Variants in XCR1 observed in about 807,000 individuals in gnomAD.
XCR1 encodes the protein chemokine XC receptor 1.
For synonymous variants in XCR1, 187 were observed against 188.5 expected, an observed-to-expected ratio of 0.99 and a Z score of 0.06; for missense variants, 356 against 424.2, an observed-to-expected ratio of 0.84 and a Z score of 1.41.
upstream of XCR1, chr3:46,027,845 A>G (rs2125894952): frequency 6.6e-6 from 1 of 152,296 alleles, no homozygotes; most frequent in Middle Eastern, 3.4e-3. Context: ...CCTGTTTAAC[A>G]TATACCTATC....
At chr3:46,056,853 A>C (rs1697862299) in intron 4 of XCR1, among the ~76,000 whole-genome samples, 1 of 152,140 alleles carries the variant, frequency 6.6e-6, no homozygotes, top group South Asian at 2.1e-4. Flanking sequence ...TCTGGCTCCT[A>C]GGTATTTACT....
intron 4 of XCR1, among the ~76,000 whole-genome samples, chr3:46,065,262 A>G (rs1698046176): frequency 6.6e-6 from 1 of 152,240 alleles, no homozygotes; most frequent in African/African-American, 2.4e-5. Flanking sequence ...AATATTGGTT[A>G]GGGGAAAATC....
rs575085237 is a variant in XCR1 at position 46,020,053 on chromosome 3, G to A, written c.*893C>T. ...AGCTACCACCATCAACCAAATAGGA[G>A]GAGGACACTTTAGGTACAAAGTGAT... On this transcript the variant is annotated 3_prime_UTR_variant, in exon 2 of 2. Transcript: ENST00000309285. 5 of 152,368 alleles carry A rather than the reference G, an allele frequency of 3.3e-5. No homozygotes were observed. In the South Asian group the frequency reaches 1.0e-3, roughly 32 times the overall value. The allele number at this position is 152,368 out of a possible 1,614,324, so 9.4% of individuals were successfully genotyped here.
At chr3:46,082,697 C>T (rs1329424582) in intron 1 of XCR1, among the ~76,000 whole-genome samples, 1 of 151,938 alleles carries the variant, frequency 6.6e-6, no homozygotes, top group Non-Finnish European at 1.5e-5. Context: ...GCTATGTTGA[C>T]CACACTGGTC....
At chr3:46,036,182 CTT>C (rs1339498234) in intron 5 of XCR1, among the ~76,000 whole-genome samples, 1 of 152,162 alleles carries the variant, frequency 6.6e-6, no homozygotes, top group African/African-American at 2.4e-5. Context: ...TGTATCCAGG[CTT>C]TTATGTTGCT....
At chr3:46,043,491 A>G (rs1257251361) in intron 5 of XCR1, among the ~76,000 whole-genome samples, 1 of 152,114 alleles carries the variant, frequency 6.6e-6, no homozygotes, top group Non-Finnish European at 1.5e-5. Flanking sequence ...AAATACTTCA[A>G]CATGATAAAG....
At chr3:46,073,898 A>C (rs895530428) in intron 3 of XCR1, among the ~76,000 whole-genome samples, 11 of 151,442 alleles carry the variant, frequency 7.3e-5, no homozygotes, top group Non-Finnish European at 1.6e-4. Context: ...ACCAATCAGA[A>C]TGGCAATTAA....
intron 1 of XCR1, among the ~76,000 whole-genome samples, chr3:46,080,242 C>T (rs1033918493): frequency 1.3e-5 from 2 of 151,582 alleles, no homozygotes; most frequent in African/African-American, 4.8e-5. Flanking sequence ...AAGCAGTCCC[C>T]AACTGAAATC....
At chr3:46,070,455 T>C (rs1261960313) in intron 3 of XCR1, among the ~76,000 whole-genome samples, 2 of 152,146 alleles carry the variant, frequency 1.3e-5, no homozygotes, top group Admixed American at 1.3e-4. Flanking sequence ...TTTATTAATC[T>C]GAGTGCTGTG....
chr3:46,084,564 A>G (rs1698437319), intron 1 of XCR1, among the ~76,000 whole-genome samples: 1 of 152,166 alleles, frequency 6.6e-6, no homozygotes, highest in Non-Finnish European at 1.5e-5. Context: ...AATCAATGTA[A>G]TTTCTATAAA....
At chr3:46,049,100 A>G (rs971045220) in intron 5 of XCR1, among the ~76,000 whole-genome samples, 1 of 152,232 alleles carries the variant, frequency 6.6e-6, no homozygotes, top group African/African-American at 2.4e-5. Flanking sequence ...TGTTTGGCAC[A>G]TAACATGCAG....
rs2125891510 is a variant in XCR1 at position 46,017,556 on chromosome 3, C to T, written c.*3390G>A. 6.6e-6 allele frequency: 1 copy of T among 152,328 alleles called. No individual in the cohort carries two copies. Among genetic ancestry groups the T allele is most frequent in the Admixed American group, 6.5e-5 (1 of 15,308 alleles). The allele number at this position is 152,328 out of a possible 1,614,324, so 9.4% of individuals were successfully genotyped here. ...GATGGTCTCCTGTTAACTCACTCAACCAACCACAAACATTGCCAGGCACTG... is the reference window on the plus strand; with the variant it reads ...GATGGTCTCCTGTTAACTCACTCAATCAACCACAAACATTGCCAGGCACTG... On this transcript the variant is annotated 3_prime_UTR_variant, in exon 2 of 2. Transcript: ENST00000309285.
intron 1 of XCR1, chr3:46,023,820 T>C: frequency 5.2e-6 from 8 of 1,537,406 alleles, no homozygotes; most frequent in Non-Finnish European, 7.2e-6. Context: ...CAACCAAAAT[T>C]GCAGATTTGA....
intron 2 of XCR1, among the ~76,000 whole-genome samples, chr3:46,075,256 G>A (rs1698236864): frequency 7.1e-6 from 1 of 141,102 alleles, no homozygotes; most frequent in African/African-American, 2.7e-5. Flanking sequence ...GTCAATGAGG[G>A]AAGGATAGTC....
chr3:46,029,284 G>A (rs1433277163), upstream of XCR1, among the ~76,000 whole-genome samples: 3 of 152,130 alleles, frequency 2.0e-5, no homozygotes, highest in African/African-American at 7.2e-5. Context: ...GCTCACTGCA[G>A]CTTCAATCTC....
Position 46,021,732 on chromosome 3 carries a change from G to A in XCR1, c.216C>T (p.Asn72=), listed in dbSNP as rs763874065. 1 of 1,613,966 alleles carries A rather than the reference G, an allele frequency of 6.2e-7. No homozygotes were observed. Among genetic ancestry groups the A allele is most frequent in the East Asian group, 2.2e-5 (1 of 44,884 alleles). ...CGAACACCAGGTCTGAGAGGCACAG[G>A]TTGAGGATGAAGATGTTGGTGAGGG... ...LESLTNIFIL[N]LCLSDLVFAC... Residue 72 remains asparagine (N), a synonymous_variant, in exon 2 of 2, where the codon AAC becomes AAT. Coordinates refer to ENST00000309285, the MANE Select transcript of XCR1 (RefSeq NM_001024644.2). This position sits in a 1 kb window ranked among gnomAD's most constrained non-coding sequence, Gnocchi z 4.7.
chr3:46,080,637 CAGG>C (rs1349203309), intron 1 of XCR1, among the ~76,000 whole-genome samples: 1 of 152,184 alleles, frequency 6.6e-6, no homozygotes, highest in Admixed American at 6.5e-5. Flanking sequence ...GCAGCACAAA[CAGG>C]AGCTCTCAAG....
intron 2 of XCR1, among the ~76,000 whole-genome samples, chr3:46,075,068 A>G (rs1003017991): frequency 5.3e-5 from 8 of 152,152 alleles, no homozygotes; most frequent in African/African-American, 1.7e-4. Context: ...AGCACTTTGA[A>G]AAGGAATGAA....
intron 5 of XCR1, among the ~76,000 whole-genome samples, chr3:46,047,157 G>T (rs1366420013): frequency 6.6e-6 from 1 of 152,190 alleles, no homozygotes; most frequent in African/African-American, 2.4e-5. Context: ...TGTTTGAATA[G>T]AATTATGCAA....
Sources: allele counts gnomAD v4.1 joint callset (sites outside exome capture counted in the v4.1 genomes callset), GRCh38; gene constraint gnomAD v4.1.1; non-coding constraint Gnocchi (gnomAD v3.1); transcripts MANE v1.5; gene names NCBI Gene and HGNC (gene_info 2026-07-23, HGNC 2026-07-21).